GPAM: variants seen among roughly 807,000 people sequenced by gnomAD.
The protein encoded by GPAM is glycerol-3-phosphate acyltransferase 1, mitochondrial.
GPAM carries 56 observed loss-of-function variants against 105.0 expected under a neutral mutation model. The ratio of observed to expected loss-of-function variants is 0.53; its 90% CI spans 0.43 to 0.67. The LOEUF is 0.67. GPAM is among the 30% of genes least tolerant of loss of function. The pLI is 0.00. For synonymous variants in GPAM, 368 were observed against 354.4 expected, an observed-to-expected ratio of 1.04 and a Z score of -0.43; for missense variants, 855 against 989.8, an observed-to-expected ratio of 0.86 and a Z score of 1.83.
intron 1 of GPAM, among the ~76,000 whole-genome samples, chr10:112,192,815 T>C (rs1369320428): frequency 4.6e-5 from 7 of 152,094 alleles, no homozygotes; most frequent in Admixed American, 1.3e-4. Context: ...TAGAGAAGGG[T>C]GAATCAAAAT....
Position 112,168,927 on chromosome 10 carries a change from A to G in GPAM, c.820T>C (p.Phe274Leu). The G allele has an allele frequency of 1.9e-6, 3 of 1,607,784 alleles. No individual in the cohort carries two copies. Among genetic ancestry groups the G allele is most frequent in the Non-Finnish European group, 2.6e-6 (3 of 1,174,274 alleles). The change falls in exon 10 of 22, where the codon TTC becomes CTC. Residue 274 changes from phenylalanine to leucine, a missense_variant. By Grantham distance (22) the Phe-to-Leu change is conservative (BLOSUM62 0). Coordinates refer to ENST00000348367, the MANE Select transcript of GPAM (RefSeq NM_001244949.2). ...FSTLIHKLGGFFIRRRLDETP... is the reference protein window; with the variant it reads ...FSTLIHKLGGLFIRRRLDETP... ...TCATCGAGCCTTCGTCGTATGAAGA[A>G]GCCCCCAAGCTTATGGATCAAGGTA... is the stretch of plus-strand genomic sequence containing the variant.
At chr10:112,227,006 A>G in the GPAM span, among the ~76,000 whole-genome samples, 2 of 152,074 alleles carry the variant, frequency 1.3e-5, no homozygotes, top group Non-Finnish European at 2.9e-5. Context: ...ACTCTTTTAC[A>G]TTATGTCAGA....
rs770664742 is a variant in GPAM, at chr10:112,168,848, C to T, written c.894+5G>A. 2.0e-6 allele frequency: 3 copies of T among 1,531,518 alleles called. No individual in the cohort carries two copies. Among genetic ancestry groups the T allele is most frequent in the Non-Finnish European group, 2.7e-6 (3 of 1,104,622 alleles). 94.9% of individuals were successfully genotyped at this position (1,531,518 alleles called of 1,614,324 possible). ...TCCCTAAGGATAATTAGAGATCACA[C>T]ATACCCCATGGAGCAAAGCTCTATA... On this transcript the variant is annotated splice_donor_5th_base_variant and intron_variant, in intron 10 of 21. Coordinates refer to ENST00000348367, the MANE Select transcript of GPAM (RefSeq NM_001244949.2).
At chr10:112,163,935 C>T in intron 13 of GPAM, 119 bp from the exon 14 acceptor site, 1 of 696,918 alleles carries the variant, frequency 1.4e-6, no homozygotes, top group South Asian at 1.6e-5. Flanking sequence ...ATTTAAACCA[C>T]AAACAGATTA....
intron 6 of GPAM, among the ~76,000 whole-genome samples, chr10:112,174,780 G>A (rs1366219051): frequency 3.9e-5 from 6 of 152,058 alleles, no homozygotes; most frequent in East Asian, 1.9e-4. Flanking sequence ...GTTTCTACAC[G>A]TCATTACCAT....
At chr10:112,179,671 A>T (rs905656093) in intron 4 of GPAM, among the ~76,000 whole-genome samples, 1 of 152,164 alleles carries the variant, frequency 6.6e-6, no homozygotes, top group Non-Finnish European at 1.5e-5. Flanking sequence ...TTCACACAGC[A>T]CAATTACCTA....
At position 112,152,731 on chromosome 10, in the gene GPAM, T is replaced by C; in HGVS notation, c.*819A>G. On this transcript the variant is annotated 3_prime_UTR_variant, in exon 22 of 22. Coordinates refer to ENST00000348367, the MANE Select transcript of GPAM (RefSeq NM_001244949.2). ...CTGAGGGGTGGACGAGGTACAGACA[T>C]AAAACAGGAAGGGTTCTAAATATAT... 1.0e-6 allele frequency: 1 copy of C among 975,434 alleles called. No homozygotes were observed. The highest frequency in any genetic ancestry group is 1.2e-6 in the Non-Finnish European group (1 of 820,824). 60.4% of individuals were successfully genotyped at this position (975,434 alleles called of 1,614,324 possible). A position where few individuals can be genotyped will look rare whatever the true frequency, so the allele number is the denominator to read the frequency against.
At chr10:112,221,024 A>C in the GPAM span, among the ~76,000 whole-genome samples, 1 of 152,176 alleles carries the variant, frequency 6.6e-6, no homozygotes, top group Non-Finnish European at 1.5e-5. Context: ...TATCACATCC[A>C]ATGGCATCTA....
In GPAM at chr10:112,152,284, T is replaced by C; in HGVS notation, c.*1266A>G. 2 of 983,384 alleles carry C rather than the reference T, an allele frequency of 2.0e-6. No homozygotes were observed. Among genetic ancestry groups the C allele is most frequent in the Non-Finnish European group, 2.4e-6 (2 of 828,064 alleles). 60.9% of individuals were successfully genotyped at this position (983,384 alleles called of 1,614,324 possible). A position where few individuals can be genotyped will look rare whatever the true frequency, so the allele number is the denominator to read the frequency against. ...TAAAAAATCACCATAATTACCATAA[T>C]AAACCAATAATTATGCTCCCTGCTC... On this transcript the variant is annotated 3_prime_UTR_variant, in exon 22 of 22. Coordinates refer to ENST00000348367, the MANE Select transcript of GPAM (RefSeq NM_001244949.2).
At chr10:112,206,884 C>T (rs1275057888) in intron 1 of GPAM, among the ~76,000 whole-genome samples, 2 of 151,664 alleles carry the variant, frequency 1.3e-5, no homozygotes, top group East Asian at 1.9e-4. Context: ...TTCACTCTAC[C>T]TCCATGCCTG....
Position 112,180,510 on chromosome 10 carries a change from A to G in GPAM, c.188T>C (p.Val63Ala). ...AGTGCAGGAGTAACAACATCTTCCA[A>G]CAAATGGCCTTTTCCGACTCATTAG... is the stretch of plus-strand genomic sequence containing the variant. ...ESLMSRKRPF[V>A]GRCCYSCTPQ... Residue 63 changes from valine to alanine, a missense_variant, in exon 4 of 22, where the codon GTT becomes GCT. Physicochemically the swap from Val to Ala is moderately conservative, Grantham distance 64 (BLOSUM62 0). Coordinates refer to ENST00000348367, the MANE Select transcript of GPAM (RefSeq NM_001244949.2). 6.2e-7 allele frequency: 1 copy of G among 1,613,730 alleles called. No homozygotes were observed. Among genetic ancestry groups the G allele is most frequent in the Non-Finnish European group, 8.5e-7 (1 of 1,179,644 alleles).
At position 112,160,988 on chromosome 10, in the gene GPAM, T is replaced by C. The variant is rs111270781; in HGVS notation, c.1495-120A>G. On this transcript the variant is annotated intron_variant, in intron 15 of 21. Coordinates refer to ENST00000348367, the MANE Select transcript of GPAM (RefSeq NM_001244949.2). ...TTTCCTGCAGCTCACTGCTAGCACA[T>C]AGAGAAGTAGGGCCAGAACACCAAT... 1.3e-3 allele frequency: 1,068 copies of C among 813,382 alleles called. 8 individuals are homozygous for C. In the African/African-American group the frequency reaches 0.015, roughly 11 times the overall value. 50.4% of individuals were successfully genotyped at this position (813,382 alleles called of 1,614,324 possible).
At chr10:112,192,273 G>A (rs73353087) in intron 1 of GPAM, among the ~76,000 whole-genome samples, 23,275 of 152,176 alleles carry the variant, frequency 0.15, 2,706 homozygotes, top group African/African-American at 0.33. Context: ...GAAGACACAG[G>A]GATGAAGAAG....
intron 1 of GPAM, among the ~76,000 whole-genome samples, chr10:112,200,556 T>C (rs1467324423): frequency 2.0e-5 from 3 of 152,036 alleles, no homozygotes; most frequent in Non-Finnish European, 2.9e-5. Context: ...CCTTCCAAAG[T>C]GCTGGGATTA....
upstream of GPAM, among the ~76,000 whole-genome samples, chr10:112,219,247 G>A (rs1405685274): frequency 6.6e-6 from 1 of 152,204 alleles, no homozygotes; most frequent in African/African-American, 2.4e-5. Context: ...TCCCAAAAGG[G>A]GGTAAAGCTC....
intron 6 of GPAM, among the ~76,000 whole-genome samples, chr10:112,174,685 T>C (rs1256942374): frequency 6.6e-6 from 1 of 152,198 alleles, no homozygotes. Context: ...CATAATTCAC[T>C]AATACAAAAA....
chr10:112,153,490 G>A lies in GPAM; in HGVS notation c.*60C>T. ...GGCACCTTCAACTCTTGAGCCAGAAGCTGGTACCTACAAGGAACTCATCTC... is the reference window on the plus strand; with the variant it reads ...GGCACCTTCAACTCTTGAGCCAGAAACTGGTACCTACAAGGAACTCATCTC... On this transcript the variant is annotated 3_prime_UTR_variant, in exon 22 of 22. Transcript: ENST00000348367. 2.5e-6 allele frequency: 4 copies of A among 1,611,264 alleles called. No homozygotes were observed. Among genetic ancestry groups the A allele is most frequent in the Non-Finnish European group, 2.5e-6 (3 of 1,178,572 alleles).
intron 5 of GPAM, among the ~76,000 whole-genome samples, chr10:112,175,968 A>G (rs538825794): frequency 6.6e-6 from 1 of 152,324 alleles, no homozygotes; most frequent in Admixed American, 6.5e-5. Flanking sequence ...GAATAACCCT[A>G]ATATGAAAAC....
At chr10:112,192,212 A>G (rs1847668747) in intron 1 of GPAM, among the ~76,000 whole-genome samples, 1 of 152,232 alleles carries the variant, frequency 6.6e-6, no homozygotes, top group Non-Finnish European at 1.5e-5. Flanking sequence ...CCATTCATTC[A>G]TAACACACTG....
Sources: gnomAD v4.1 joint callset for allele counts (sites outside exome capture counted in the v4.1 genomes callset) on GRCh38, gnomAD v4.1.1 for gene constraint, MANE v1.5 for transcripts, NCBI Gene and HGNC (gene_info 2026-07-23, HGNC 2026-07-21) for gene names.